Variants in QRICH1 observed in about 807,000 individuals in gnomAD.
QRICH1 encodes the protein glutamine rich 1.
A neutral mutation model predicts 87.1 loss-of-function variants in QRICH1; 16 were observed. The ratio of observed to expected loss-of-function variants is 0.18; its 90% CI spans 0.12 to 0.28. QRICH1 has a LOEUF of 0.28. Among genes scored for constraint, QRICH1 ranks in the 10% least tolerant of loss-of-function variants. The pLI is 1.00. For synonymous variants in QRICH1, 367 were observed against 368.4 expected, an observed-to-expected ratio of 1.00 and a Z score of 0.05; for missense variants, 647 against 951.7, an observed-to-expected ratio of 0.68 and a Z score of 4.21.
chr3:49,056,879 G>A lies in QRICH1; in HGVS notation c.1321C>T (p.Leu441Phe), dbSNP rs1014569167. 8.1e-6 allele frequency: 13 copies of A among 1,614,096 alleles called. No homozygotes were observed. The highest frequency in any genetic ancestry group is 1.0e-5 in the Non-Finnish European group (12 of 1,180,050). ...TCACTTACTGAACAAGTAACTTGGA[G>A]TTGCTGCTGCTGCTGCTGTGGTGGT... ...TPPPQQQQQQLQVTCSAQTVQ... is the reference protein window; with the variant it reads ...TPPPQQQQQQFQVTCSAQTVQ... Residue 441 changes from leucine to phenylalanine, a missense_variant, in exon 3 of 10, where the codon CTC becomes TTC. Leu to Phe is a conservative substitution (Grantham distance 22). This residue lies in a region of QRICH1 where 187 missense variants were observed against 309.5 expected (regional missense o/e 0.60). Coordinates refer to ENST00000395443, the MANE Select transcript of QRICH1 (RefSeq NM_198880.3).
chr3:49,048,765 G>T (rs1231610109), intron 3 of QRICH1, among the ~76,000 whole-genome samples: 1 of 112,442 alleles, frequency 8.9e-6, no homozygotes, highest in Non-Finnish European at 1.7e-5. Context: ...TCCAGCCTGG[G>T]TAACAGAGTG....
At chr3:49,051,114 T>C (rs1386433619) in intron 3 of QRICH1, among the ~76,000 whole-genome samples, 1 of 152,160 alleles carries the variant, frequency 6.6e-6, no homozygotes, top group African/African-American at 2.4e-5. Context: ...AGATGCTGCA[T>C]TCAGAGCTCC....
chr3:49,087,839 A>AAAAAAAAAAAAAAAAAAAAT (rs1553749363), intron 1 of QRICH1, among the ~76,000 whole-genome samples: 1 of 149,324 alleles, frequency 6.7e-6, no homozygotes, highest in African/African-American at 2.4e-5. Flanking sequence ...AAAAAAAAAA[A>AAAAAAAAAAAAAAAAAAAAT]GAACAATGTC....
chr3:49,079,687 T>C (rs1351477059), intron 1 of QRICH1, among the ~76,000 whole-genome samples: 2 of 152,106 alleles, frequency 1.3e-5, no homozygotes, highest in African/African-American at 4.8e-5. Flanking sequence ...TTGCACAGAA[T>C]GTATCAAAGT....
intron 9 of QRICH1, 74 bp from the exon 10 acceptor site, chr3:49,030,718 G>GC: frequency 1.5e-6 from 2 of 1,309,290 alleles, no homozygotes; most frequent in Non-Finnish European, 2.1e-6. Flanking sequence ...TTCCCAGACA[G>GC]ATGCTGTCTG....
chr3:49,069,634 C>T (rs1296547384), intron 2 of QRICH1, among the ~76,000 whole-genome samples: 1 of 149,914 alleles, frequency 6.7e-6, no homozygotes, highest in Admixed American at 6.7e-5. Context: ...AGGTGTGTAC[C>T]ACTACATCTG....
At chr3:49,039,406 C>G (rs1462371365) in intron 6 of QRICH1, among the ~76,000 whole-genome samples, 1 of 151,622 alleles carries the variant, frequency 6.6e-6, no homozygotes, top group Non-Finnish European at 1.5e-5. Context: ...ATAGGCTGGG[C>G]CCGGTGGCTC....
rs374033523 is a variant in QRICH1, at chr3:49,056,846, A to G, written c.1338+16T>C. 5.9e-5 allele frequency: 96 copies of G among 1,614,016 alleles called. No homozygotes were observed. Among genetic ancestry groups the G allele is most frequent in the South Asian group, 3.0e-4 (27 of 91,088 alleles). On this transcript the variant is annotated intron_variant, in intron 3 of 9. Coordinates refer to ENST00000395443, the MANE Select transcript of QRICH1 (RefSeq NM_198880.3). The stretch of plus-strand genomic sequence containing the variant: ...AGGGACCAGGCTGCCTGCCCTACTG[A>G]TAAGTCTTCACTTACTGAACAAGTA...
At chr3:49,048,782 T>G (rs57630346) in intron 3 of QRICH1, among the ~76,000 whole-genome samples, 2 of 132,786 alleles carry the variant, frequency 1.5e-5, no homozygotes, top group African/African-American at 5.7e-5. Flanking sequence ...AGTGAGACTC[T>G]GTTCACAAAA....
At position 49,057,515 on chromosome 3, in the gene QRICH1, G is replaced by A. The variant is rs753480170; in HGVS notation, c.685C>T (p.Pro229Ser). The A allele has an allele frequency of 3.7e-6, 6 of 1,613,562 alleles. No homozygotes were observed. In the Admixed American group the frequency reaches 8.3e-5, roughly 22 times the overall value. The change falls in exon 3 of 10, where the codon CCC (proline) becomes TCC (serine). Residue 229 changes from proline to serine, a missense_variant. Around this residue, in one of 7 missense-constraint regions of QRICH1, gnomAD observed 156 missense variants for 164.5 expected, o/e 0.95. Coordinates refer to ENST00000395443, the MANE Select transcript of QRICH1 (RefSeq NM_198880.3). The surrounding 1 kb of genome is among the most constrained non-coding windows in gnomAD (Gnocchi z 5.4). ...CCAACCCGCCGCTCCCCTTCCCGGG[G>A]TGAGCCCTGCTGGGATGGTGGTGGG... ...LSPPPSQQGSPREGERRVGTA... is the reference protein window; with the variant it reads ...LSPPPSQQGSSREGERRVGTA...
chr3:49,087,480 G>A (rs896845713), intron 1 of QRICH1, among the ~76,000 whole-genome samples: 4 of 151,840 alleles, frequency 2.6e-5, no homozygotes, highest in Non-Finnish European at 4.4e-5. Flanking sequence ...GGGAGGCGAA[G>A]GTTGCAGTGA....
intron 2 of QRICH1, among the ~76,000 whole-genome samples, chr3:49,075,321 C>T (rs908463067): frequency 6.8e-5 from 10 of 148,122 alleles, no homozygotes; most frequent in African/African-American, 2.2e-4. Context: ...AGAGCAAGAC[C>T]CTGTCCCTCA....
intron 6 of QRICH1, among the ~76,000 whole-genome samples, chr3:49,037,625 G>A (rs1310684458): frequency 2.0e-5 from 3 of 150,880 alleles, no homozygotes; most frequent in Non-Finnish European, 4.4e-5. Context: ...CCAGCTACTC[G>A]GGAGGCTGAG....
At chr3:49,054,837 G>A (rs2093391659) in intron 3 of QRICH1, among the ~76,000 whole-genome samples, 1 of 152,030 alleles carries the variant, frequency 6.6e-6, no homozygotes, top group Admixed American at 6.6e-5. Context: ...AGGAGTTAGA[G>A]GCTACAGTGA....
At chr3:49,088,115 C>T (rs1395348810) in intron 1 of QRICH1, among the ~76,000 whole-genome samples, 2 of 151,798 alleles carry the variant, frequency 1.3e-5, no homozygotes, top group South Asian at 2.1e-4. Context: ...CCACATCCAG[C>T]TAATTTTTTT....
At chr3:49,051,456 T>C (rs1210962890) in intron 3 of QRICH1, among the ~76,000 whole-genome samples, 2 of 151,880 alleles carry the variant, frequency 1.3e-5, no homozygotes, top group South Asian at 2.1e-4. Flanking sequence ...ACCATAGAGC[T>C]CCTCTATAGA....
intron 2 of QRICH1, among the ~76,000 whole-genome samples, chr3:49,060,699 C>T (rs1458839688): frequency 6.6e-6 from 1 of 152,184 alleles, no homozygotes; most frequent in African/African-American, 2.4e-5. Flanking sequence ...CGTAGGCGAA[C>T]GACACAGCAC....
intron 6 of QRICH1, among the ~76,000 whole-genome samples, chr3:49,038,759 GT>G (rs2106833516): frequency 1.3e-5 from 2 of 152,326 alleles, no homozygotes; most frequent in East Asian, 3.9e-4. Flanking sequence ...GGGCTCCGTA[GT>G]TCACGCCTGT....
upstream of QRICH1, chr3:49,094,135 A>G: frequency 2.5e-6 from 1 of 397,934 alleles, no homozygotes; most frequent in East Asian, 3.6e-5. Context: ...GGGACTGCCT[A>G]CCGGCCAAAA....
Sources: gnomAD v4.1 joint callset for allele counts (sites outside exome capture counted in the v4.1 genomes callset) on GRCh38, gnomAD v4.1.1 for gene constraint, gnomAD v4.1.1 regional missense constraint, Gnocchi (gnomAD v3.1) non-coding constraint, MANE v1.5 for transcripts, NCBI Gene and HGNC (gene_info 2026-07-23, HGNC 2026-07-21) for gene names.